Variants in SDK2 observed in about 807,000 individuals in gnomAD.
SDK2 encodes protein sidekick-2.
In SDK2, 105 loss-of-function variants were observed where a neutral mutation model predicts 253.9. The observed-to-expected ratio is 0.41, with a 90% CI of 0.35 to 0.49. The LOEUF is 0.49. Among genes scored for constraint, SDK2 ranks in the 20% least tolerant of loss-of-function variants. The pLI is 0.06. For synonymous variants in SDK2, 1,249 were observed against 1,234.9 expected (o/e 1.01, Z -0.24); for missense variants, 2,608 against 3,003.0 (o/e 0.87, Z 3.07).
At chr17:73,367,022 A>G (rs537665321) in intron 37 of SDK2, among the ~76,000 whole-genome samples, 23 of 152,214 alleles carry the variant, frequency 1.5e-4, no homozygotes, top group African/African-American at 5.5e-4. Context: ...TTTATTTTTT[A>G]AGACAGATTA....
rs1407147809 is a variant in SDK2 at position 73,447,918 on chromosome 17, C to T, written c.480-170G>A. Among the ~76,000 whole-genome samples the T allele has an allele frequency of 6.6e-6, 1 of 152,140 alleles. No individual in the cohort carries two copies. Among genetic ancestry groups the T allele is most frequent in the Non-Finnish European group, 1.5e-5 (1 of 68,016 alleles). On this transcript the variant is annotated intron_variant, in intron 4 of 44. Transcript: ENST00000392650. The surrounding 1 kb of genome is among the most constrained non-coding windows in gnomAD (Gnocchi z 4.0). ...ACCTCTTACTGCCTACATCCCGCCA[C>T]GTTTAGTTTGCAGAGAATGCTAAAC... is the stretch of plus-strand genomic sequence containing the variant.
At chr17:73,637,700 C>G (rs1431473680) in intron 1 of SDK2, among the ~76,000 whole-genome samples, 3 of 152,328 alleles carry the variant, frequency 2.0e-5, no homozygotes, top group African/African-American at 7.2e-5. Context: ...GAGGCAAGAT[C>G]TTCCTCTCCC....
In SDK2 at chr17:73,338,169, TG is replaced by T; in HGVS notation, c.*417del. 1 of 338,848 alleles carries T rather than the reference TG, an allele frequency of 3.0e-6. No homozygotes were observed. The highest frequency in any genetic ancestry group is 2.2e-5 in the African/African-American group (1 of 46,070). 21.0% of individuals were successfully genotyped at this position (338,848 alleles called of 1,614,324 possible). ...GCAGCGGCAGTGGGTCCAGGGGTCCTGGAGGGGCTGGAAGGGGGCAGCTGGC... is the reference window on the plus strand; with the variant it reads ...GCAGCGGCAGTGGGTCCAGGGGTCCTGAGGGGCTGGAAGGGGGCAGCTGGC... On this transcript the variant is annotated 3_prime_UTR_variant, in exon 45 of 45. Transcript: ENST00000392650. This position sits in a 1 kb window ranked among gnomAD's most constrained non-coding sequence, Gnocchi z 5.0.
chr17:73,621,098 T>C (rs571068449), intron 1 of SDK2, among the ~76,000 whole-genome samples: 1 of 152,316 alleles, frequency 6.6e-6, no homozygotes, highest in Admixed American at 6.5e-5. Context: ...CACCAGAAAG[T>C]GAGGATGGAT....
chr17:73,562,856 G>A (rs548920011), intron 1 of SDK2, among the ~76,000 whole-genome samples: 11 of 152,346 alleles, frequency 7.2e-5, no homozygotes, highest in African/African-American at 2.6e-4. Context: ...GGCAGCAGCC[G>A]CACGAGGCAG....
At chr17:73,614,964 C>T (rs544593536) in intron 1 of SDK2, among the ~76,000 whole-genome samples, 2 of 140,292 alleles carry the variant, frequency 1.4e-5, no homozygotes, top group Non-Finnish European at 1.5e-5. Context: ...GCATGTGTGT[C>T]CCCTGAATAG....
At position 73,616,679 on chromosome 17, in the gene SDK2, G is replaced by T. The variant is rs528939863; in HGVS notation, c.64+27346C>A. On this transcript the variant is annotated intron_variant, in intron 1 of 44. Transcript: ENST00000392650. This position sits in a 1 kb window ranked among gnomAD's most constrained non-coding sequence, Gnocchi z 5.2. ...CTAACTAGTCCAGCTAGTTTTTGCA[G>T]AATGCTGTGAGAGTTACAGGATAGG... Among the ~76,000 whole-genome samples, 1 of 152,322 alleles carries T rather than the reference G, an allele frequency of 6.6e-6. No individual in the cohort carries two copies. The highest frequency in any genetic ancestry group is 2.1e-4 in the South Asian group (1 of 4,824).
At chr17:73,469,981 T>TGCGCGCGCGTGC (rs1555585110) in intron 3 of SDK2, among the ~76,000 whole-genome samples, 4 of 129,622 alleles carry the variant, frequency 3.1e-5, no homozygotes, top group African/African-American at 1.2e-4. Context: ...CATTTGCGAC[T>TGCGCGCGCGTGC]GCGCGCGCGC....
intron 1 of SDK2, among the ~76,000 whole-genome samples, chr17:73,540,789 T>C (rs899959450): frequency 6.6e-6 from 1 of 152,166 alleles, no homozygotes; most frequent in African/African-American, 2.4e-5. Context: ...CAGTGACCTG[T>C]CTTCTGCCTC....
intron 24 of SDK2, among the ~76,000 whole-genome samples, chr17:73,396,340 T>G (rs577421168): frequency 6.6e-6 from 1 of 152,244 alleles, no homozygotes; most frequent in South Asian, 2.1e-4. Context: ...GCCCAGGGCC[T>G]GGCCTCCACT....
rs1398272792 is a variant in SDK2 at position 73,643,394 on chromosome 17, C to A, written c.64+631G>T. Among the ~76,000 whole-genome samples, 2 of 152,104 alleles carry A rather than the reference C, an allele frequency of 1.3e-5. No individual in the cohort carries two copies. The highest frequency in any genetic ancestry group is 2.9e-5 in the Non-Finnish European group (2 of 67,990). On this transcript the variant is annotated intron_variant, in intron 1 of 44. Transcript: ENST00000392650. The surrounding 1 kb of genome is among the most constrained non-coding windows in gnomAD (Gnocchi z 6.9). ...GGCCTCAGACCCTCCCTGTGCACCA[C>A]CCCCCGGTGGGTCCGCGGCTGCACC...
chr17:73,500,753 T>G (rs1263757431), intron 2 of SDK2, among the ~76,000 whole-genome samples: 1 of 143,114 alleles, frequency 7.0e-6, no homozygotes, highest in Non-Finnish European at 1.5e-5. Flanking sequence ...TCCTCCATCC[T>G]CCATCCATCC....
At chr17:73,641,988 C>T (rs533268725) in intron 1 of SDK2, among the ~76,000 whole-genome samples, 51 of 152,266 alleles carry the variant, frequency 3.3e-4, no homozygotes, top group Middle Eastern at 6.8e-3. Flanking sequence ...AGAACACGAG[C>T]GGAGCAGCAG....
At position 73,609,416 on chromosome 17, in the gene SDK2, T is replaced by C. The variant is rs963597983; in HGVS notation, c.64+34609A>G. 3.3e-5 allele frequency among the ~76,000 whole-genome samples: 5 copies of C among 152,048 alleles called. No individual in the cohort carries two copies. Among genetic ancestry groups the C allele is most frequent in the Non-Finnish European group, 7.4e-5 (5 of 68,026 alleles). ...AGAGCCAGCCAAGAGAAGACCACGA[T>C]GGACCTAGTCGCAGGGCTGAGAACC... On this transcript the variant is annotated intron_variant, in intron 1 of 44. Transcript: ENST00000392650. This position sits in a 1 kb window ranked among gnomAD's most constrained non-coding sequence, Gnocchi z 4.4.
intron 18 of SDK2, among the ~76,000 whole-genome samples, chr17:73,406,059 T>A (rs1352478183): frequency 2.6e-5 from 4 of 152,028 alleles, no homozygotes; most frequent in Non-Finnish European, 1.5e-5. Context: ...TTTAGATTAT[T>A]GTAATACATA....
At chr17:73,409,158 C>T (rs976920590) in intron 18 of SDK2, among the ~76,000 whole-genome samples, 2 of 152,060 alleles carry the variant, frequency 1.3e-5, no homozygotes, top group African/African-American at 4.8e-5. Flanking sequence ...CTTTCCTCTA[C>T]TTGGGTGGAT....
intron 36 of SDK2, 64 bp from the exon 37 acceptor site, chr17:73,368,657 G>C: frequency 7.4e-7 from 1 of 1,349,354 alleles, no homozygotes; most frequent in Non-Finnish European, 1.0e-6. Context: ...TCCTGTCCCT[G>C]CTGACCTGTA....
intron 1 of SDK2, among the ~76,000 whole-genome samples, chr17:73,572,247 C>A (rs981692259): frequency 6.6e-6 from 1 of 152,070 alleles, no homozygotes; most frequent in Admixed American, 6.6e-5. Flanking sequence ...GGGTGGGGTC[C>A]ACAGCCTGTC....
intron 1 of SDK2, among the ~76,000 whole-genome samples, chr17:73,544,933 A>T (rs2044931962): frequency 1.3e-5 from 2 of 151,918 alleles, no homozygotes; most frequent in Non-Finnish European, 2.9e-5. Context: ...CATTCCCTGG[A>T]CCTGTCTTCT....
Sources: gnomAD v4.1 joint callset for allele counts (sites outside exome capture counted in the v4.1 genomes callset) on GRCh38, gnomAD v4.1.1 for gene constraint, Gnocchi (gnomAD v3.1) non-coding constraint, MANE v1.5 for transcripts, NCBI Gene and HGNC (gene_info 2026-07-23, HGNC 2026-07-21) for gene names.